The following SCLT1 variants were observed in gnomAD, a reference collection of about 807,000 sequenced individuals.
SCLT1 encodes the protein sodium channel and clathrin linker 1, also known as sodium channel-associated protein 1.
SCLT1 carries 78 observed loss-of-function variants against 112.8 expected under a neutral mutation model. That is an observed-to-expected ratio of 0.69 (90% CI 0.58 to 0.83). The LOEUF (loss-of-function observed/expected upper bound fraction) is 0.83, where lower values mean the gene tolerates loss of function less well. SCLT1 is among the 40% of genes least tolerant of loss of function. SCLT1 has a pLI of 0.00. For synonymous variants in SCLT1, 257 were observed against 254.7 expected (o/e 1.01, Z -0.09); for missense variants, 747 against 770.4 (o/e 0.97, Z 0.36).
At chr4:128,948,359 AGAAAAG>A in intron 15 of SCLT1, 131 bp downstream of exon 15, 1 of 780,356 alleles carries the variant, frequency 1.3e-6, no homozygotes, top group South Asian at 3.7e-5. Flanking sequence ...AAAAAAAAAA[AGAAAAG>A]AAAAGAAAAA....
At chr4:128,878,216 T>C (rs988431596) in intron 3 of SCLT1, among the ~76,000 whole-genome samples, 14 of 152,212 alleles carry the variant, frequency 9.2e-5, no homozygotes, top group Non-Finnish European at 1.9e-4. Flanking sequence ...GTAGCAAAGA[T>C]AAAAATAATG....
At chr4:129,012,571 TTTG>T (rs1744626778) in intron 5 of SCLT1, among the ~76,000 whole-genome samples, 1 of 152,170 alleles carries the variant, frequency 6.6e-6, no homozygotes, top group Non-Finnish European at 1.5e-5. Flanking sequence ...CCTGAATATC[TTTG>T]TTAATTTTCT....
intron 5 of SCLT1, among the ~76,000 whole-genome samples, chr4:129,026,542 T>G (rs1411662363): frequency 6.6e-6 from 1 of 151,672 alleles, no homozygotes; most frequent in East Asian, 1.9e-4. Flanking sequence ...CTGCGACATA[T>G]TCAAAGCAGT....
chr4:128,898,406 C>A (rs1733969322), intron 18 of SCLT1, among the ~76,000 whole-genome samples: 1 of 152,108 alleles, frequency 6.6e-6, no homozygotes, highest in Admixed American at 6.5e-5. Context: ...AACTGAACAA[C>A]CTGCTCCTGA....
chr4:128,920,027 C>G (rs1444977302), intron 18 of SCLT1, among the ~76,000 whole-genome samples: 1 of 152,106 alleles, frequency 6.6e-6, no homozygotes, highest in Non-Finnish European at 1.5e-5. Flanking sequence ...GGAGAAGGGA[C>G]TTCTCTTTAA....
intron 2 of SCLT1, among the ~76,000 whole-genome samples, chr4:129,051,136 T>C (rs975778121): frequency 6.6e-6 from 1 of 152,236 alleles, no homozygotes; most frequent in African/African-American, 2.4e-5. Context: ...AGCAATGTAG[T>C]ATAGTTTGAA....
rs368467046 is a variant in SCLT1, at chr4:129,025,307, G to A, written c.290+13734C>T. On this transcript the variant is annotated intron_variant, in intron 5 of 20. Transcript: ENST00000281142. Reference sequence around the variant, plus strand: ...TTAAGGGCAGCCAGAGAGAAAGGTCGGGTTACCCACAAAGGGAAGCCCATC... The same window carrying A: ...TTAAGGGCAGCCAGAGAGAAAGGTCAGGTTACCCACAAAGGGAAGCCCATC... 2.0e-3 allele frequency among the ~76,000 whole-genome samples: 307 copies of A among 152,206 alleles called. 1 individual carries two copies. The highest frequency in any genetic ancestry group is 7.0e-3 in the African/African-American group (292 of 41,536).
chr4:129,010,676 T>A (rs925265879), intron 5 of SCLT1, among the ~76,000 whole-genome samples: 1 of 152,198 alleles, frequency 6.6e-6, no homozygotes, highest in African/African-American at 2.4e-5. Context: ...TTTATTTATT[T>A]ATTACAACTG....
intron 13 of SCLT1, among the ~76,000 whole-genome samples, chr4:128,954,728 T>C (rs1739078029): frequency 1.3e-5 from 2 of 152,212 alleles, no homozygotes; most frequent in African/African-American, 4.8e-5. Context: ...TATTGAGGAT[T>C]AATGGGTGTT....
At chr4:129,039,011 A>T (rs374856116) in intron 5 of SCLT1, 30 bp downstream of exon 5, 24 of 1,291,670 alleles carry the variant, frequency 1.9e-5, no homozygotes, top group Non-Finnish European at 2.4e-5. Flanking sequence ...GACAATAATA[A>T]AAGATAAAAC....
chr4:128,946,002 C>A lies in SCLT1; in HGVS notation c.1439+5G>T, dbSNP rs1167214542. On this transcript the variant is annotated splice_donor_5th_base_variant and intron_variant, in intron 16 of 20. Coordinates refer to ENST00000281142, the MANE Select transcript of SCLT1 (RefSeq NM_144643.4). The stretch of plus-strand genomic sequence containing the variant: ...TATCATAGAAAATCCAAAAGAAAAA[C>A]TTACTCAGTTTCAAGTTGTTTTATT... 1 of 1,588,266 alleles carries A rather than the reference C, an allele frequency of 6.3e-7. No homozygotes were observed. The highest frequency in any genetic ancestry group is 8.6e-7 in the Non-Finnish European group (1 of 1,164,606).
intron 18 of SCLT1, among the ~76,000 whole-genome samples, chr4:128,909,018 C>G (rs1277417453): frequency 1.3e-5 from 2 of 152,162 alleles, no homozygotes; most frequent in African/African-American, 4.8e-5. Context: ...CCTACTCTTA[C>G]ATCACTATTG....
intron 5 of SCLT1, among the ~76,000 whole-genome samples, chr4:129,022,316 G>A (rs907275231): frequency 5.3e-5 from 8 of 152,260 alleles, no homozygotes; most frequent in Admixed American, 2.0e-4. Context: ...ACAGAAGTAG[G>A]CTTCAGAAGG....
intron 18 of SCLT1, among the ~76,000 whole-genome samples, chr4:128,913,111 G>A (rs1293675419): frequency 6.6e-6 from 1 of 152,130 alleles, no homozygotes; most frequent in Non-Finnish European, 1.5e-5. Flanking sequence ...ATTTCTATTT[G>A]TTTCTCTCAG....
At chr4:128,976,536 A>T (rs539218423) in intron 9 of SCLT1, among the ~76,000 whole-genome samples, 2 of 152,292 alleles carry the variant, frequency 1.3e-5, no homozygotes, top group South Asian at 4.1e-4. Flanking sequence ...TGTGGTACAA[A>T]ACACACAAAG....
At chr4:129,068,970 C>A (rs775792340) in intron 2 of SCLT1, among the ~76,000 whole-genome samples, 4 of 152,100 alleles carry the variant, frequency 2.6e-5, no homozygotes, top group Non-Finnish European at 5.9e-5. Context: ...AGATGAGGAT[C>A]TAGTTTCATT....
intron 19 of SCLT1, 39 bp from the exon 20 acceptor site, chr4:128,888,813 T>A: frequency 8.1e-7 from 1 of 1,236,724 alleles, no homozygotes; most frequent in Non-Finnish European, 1.2e-6. Flanking sequence ...GAAATCCATA[T>A]GTGACATGGA....
At chr4:129,079,536 A>G (rs1751753317) in intron 2 of SCLT1, among the ~76,000 whole-genome samples, 1 of 152,168 alleles carries the variant, frequency 6.6e-6, no homozygotes, top group Non-Finnish European at 1.5e-5. Context: ...CACTGATGCA[A>G]GGGGTGGGCT....
chr4:129,028,163 C>A (rs542970875), intron 5 of SCLT1, among the ~76,000 whole-genome samples: 5 of 152,084 alleles, frequency 3.3e-5, no homozygotes, highest in African/African-American at 1.2e-4. Flanking sequence ...CTTCACAGAA[C>A]TGGAAAAAAC....
Sources: gnomAD v4.1 joint callset for allele counts (sites outside exome capture counted in the v4.1 genomes callset) on GRCh38, gnomAD v4.1.1 for gene constraint, MANE v1.5 for transcripts, NCBI Gene and HGNC (gene_info 2026-07-23, HGNC 2026-07-21) for gene names.